Variants in ADAM10 observed in about 807,000 individuals in gnomAD.
ADAM10 encodes disintegrin and metalloproteinase domain-containing protein 10.
In ADAM10, 17 loss-of-function variants were observed where a neutral mutation model predicts 90.1. The ratio of observed to expected loss-of-function variants is 0.19; its 90% CI spans 0.13 to 0.28. The LOEUF is 0.28. Among genes scored for constraint, ADAM10 ranks in the 10% least tolerant of loss-of-function variants. The pLI is 1.00. For missense variants in ADAM10, 610 were observed against 914.3 expected, an observed-to-expected ratio of 0.67 and a Z score of 4.29; for synonymous variants, 310 against 298.6, an observed-to-expected ratio of 1.04 and a Z score of -0.40.
At chr15:58,623,883 T>C (rs1895858243) in intron 10 of ADAM10, among the ~76,000 whole-genome samples, 1 of 151,026 alleles carries the variant, frequency 6.6e-6, no homozygotes, top group South Asian at 2.1e-4. Flanking sequence ...AAAACCTAGA[T>C]GATGGGTTGA....
At chr15:58,720,427 G>C (rs1406336517) in intron 1 of ADAM10, among the ~76,000 whole-genome samples, 1 of 148,686 alleles carries the variant, frequency 6.7e-6, no homozygotes, top group East Asian at 2.0e-4. Flanking sequence ...TTGAGACAGA[G>C]TCTCGCTCTG....
chr15:58,645,501 C>G (rs772883880), intron 6 of ADAM10, among the ~76,000 whole-genome samples: 1 of 152,126 alleles, frequency 6.6e-6, no homozygotes, highest in South Asian at 2.1e-4. Context: ...GGAAGTTCAT[C>G]CTCACCACCA....
In ADAM10 at chr15:58,624,796, G is replaced by C. The variant is rs531143873; in HGVS notation, c.1360+2904C>G. 5.3e-5 allele frequency among the ~76,000 whole-genome samples: 8 copies of C among 152,290 alleles called. No individual in the cohort carries two copies. The East Asian group carries it at 1.5e-3, about 29-fold the overall frequency. Reference sequence around the variant, plus strand: ...AATCTCCCTGTCTTGGCCTCCCAAAGTGCTGCGATTACAGGCATGAGCCAC... The same window carrying C: ...AATCTCCCTGTCTTGGCCTCCCAAACTGCTGCGATTACAGGCATGAGCCAC... On this transcript the variant is annotated intron_variant, in intron 10 of 15. Transcript: ENST00000260408.
intron 14 of ADAM10, among the ~76,000 whole-genome samples, chr15:58,608,612 T>G (rs538674507): frequency 1.3e-5 from 2 of 152,204 alleles, no homozygotes; most frequent in African/African-American, 4.8e-5. Context: ...TCAACGTCTA[T>G]GAACTTGAAA....
intron 4 of ADAM10, chr15:58,672,553 A>G (rs1897218656): frequency 6.6e-6 from 1 of 152,242 alleles, no homozygotes; most frequent in East Asian, 1.9e-4. Flanking sequence ...AAAAAAGTTT[A>G]GGGATCCCAA....
Position 58,668,108 on chromosome 15 carries a change from T to C in ADAM10, c.485-2911A>G, listed in dbSNP as rs137880186. Reference sequence around the variant, plus strand: ...GTTACTATTGGCAGCCAAAGGATAATGGGAGTCAGGTCAACCAGAGAAATG... The same window carrying C: ...GTTACTATTGGCAGCCAAAGGATAACGGGAGTCAGGTCAACCAGAGAAATG... On this transcript the variant is annotated intron_variant, in intron 4 of 15. Transcript: ENST00000260408. Among the ~76,000 whole-genome samples, 1,507 of 152,202 alleles carry C rather than the reference T, an allele frequency of 9.9e-3. 26 individuals carry two copies. Among genetic ancestry groups the C allele is most frequent in the African/African-American group, 0.034 (1,426 of 41,530 alleles).
chr15:58,686,488 C>A, intron 2 of ADAM10: 1 of 1,413,614 alleles, frequency 7.1e-7, no homozygotes, highest in Non-Finnish European at 9.9e-7. Context: ...TGGAGAGGAT[C>A]AATGTCTCTC....
At chr15:58,746,283 G>C (rs1899789534) in intron 1 of ADAM10, among the ~76,000 whole-genome samples, 1 of 152,108 alleles carries the variant, frequency 6.6e-6, no homozygotes, top group Non-Finnish European at 1.5e-5. Context: ...TGTTCCATTT[G>C]CCCCAAGCCC....
chr15:58,647,546 A>G, intron 5 of ADAM10, among the ~76,000 whole-genome samples: 1 of 149,272 alleles, frequency 6.7e-6, no homozygotes, highest in South Asian at 2.1e-4. Flanking sequence ...TTACAGAGCC[A>G]CCACCCCCGC....
At chr15:58,640,629 T>C (rs1896393115) in intron 8 of ADAM10, 148 bp downstream of exon 8, 2 of 731,076 alleles carry the variant, frequency 2.7e-6, no homozygotes, top group Non-Finnish European at 4.5e-6. Flanking sequence ...TTTTACATTA[T>C]GCTTATGAGT....
intron 2 of ADAM10, chr15:58,698,270 A>T (rs1158686966): frequency 2.2e-6 from 1 of 451,234 alleles, no homozygotes; most frequent in Non-Finnish European, 4.4e-6. Flanking sequence ...AATACGAATG[A>T]GAAATTTACC....
chr15:58,730,780 G>C (rs563652873), intron 1 of ADAM10, among the ~76,000 whole-genome samples: 2 of 152,228 alleles, frequency 1.3e-5, no homozygotes, highest in Non-Finnish European at 2.9e-5. Context: ...CTGCACTGTG[G>C]GCAGGCACCA....
chr15:58,683,068 A>G (rs746842820), intron 2 of ADAM10, among the ~76,000 whole-genome samples: 10 of 152,216 alleles, frequency 6.6e-5, no homozygotes, highest in Non-Finnish European at 1.5e-4. Flanking sequence ...TAAATTCTAT[A>G]CACCTTGTAA....
At chr15:58,748,276 C>T (rs1899856016) in intron 1 of ADAM10, 2 of 152,002 alleles carry the variant, frequency 1.3e-5, no homozygotes, top group Admixed American at 6.6e-5. Flanking sequence ...GTCAAAGTGG[C>T]AAAGAAAAAA....
At chr15:58,742,431 T>C (rs1899645752) in intron 1 of ADAM10, among the ~76,000 whole-genome samples, 1 of 152,216 alleles carries the variant, frequency 6.6e-6, no homozygotes, top group Non-Finnish European at 1.5e-5. Context: ...CCATCATCTC[T>C]GTTGCCAACA....
chr15:58,734,814 T>C (rs1899374609), intron 1 of ADAM10, among the ~76,000 whole-genome samples: 1 of 151,668 alleles, frequency 6.6e-6, no homozygotes, highest in Non-Finnish European at 1.5e-5. Flanking sequence ...AAACAAGCAA[T>C]GCAATACTAA....
chr15:58,617,354 C>A (rs2141004844), intron 11 of ADAM10, among the ~76,000 whole-genome samples: 1 of 152,168 alleles, frequency 6.6e-6, no homozygotes, highest in South Asian at 2.1e-4. Context: ...TCCCTGGACA[C>A]ATACAACTTA....
chr15:58,655,715 A>ATATATATACTATATATAGTGTG (rs1896804090), intron 5 of ADAM10, among the ~76,000 whole-genome samples: 5 of 65,180 alleles, frequency 7.7e-5, no homozygotes, highest in Non-Finnish European at 1.4e-4. Context: ...TATATAGTAT[A>ATATATATACTATATATAGTGTG]TATATATATA....
Position 58,676,384 on chromosome 15 carries a change from G to C in ADAM10, c.484+2740C>G, listed in dbSNP as rs183634742. The C allele has an allele frequency of 2.4e-4, 107 of 446,768 alleles. No homozygotes were observed. The East Asian group carries it at 6.2e-3, about 26-fold the overall frequency. The allele number at this position is 446,768 out of a possible 1,614,324, so 27.7% of individuals were successfully genotyped here. A position where few individuals can be genotyped will look rare whatever the true frequency, so the allele number is the denominator to read the frequency against. ...ATGCAAGTAAAGATTTTTATACACTGTCAGGTATATATTAAGCCATAATAA... is the reference window on the plus strand; with the variant it reads ...ATGCAAGTAAAGATTTTTATACACTCTCAGGTATATATTAAGCCATAATAA... On this transcript the variant is annotated intron_variant, in intron 4 of 15. Coordinates refer to ENST00000260408, the MANE Select transcript of ADAM10 (RefSeq NM_001110.4).
Sources: gnomAD v4.1 joint callset for allele counts (sites outside exome capture counted in the v4.1 genomes callset) on GRCh38, gnomAD v4.1.1 for gene constraint, MANE v1.5 for transcripts, NCBI Gene and HGNC (gene_info 2026-07-23, HGNC 2026-07-21) for gene names.